LRGUK: variants seen among roughly 807,000 people sequenced by gnomAD.
The protein encoded by LRGUK is leucine-rich repeat and guanylate kinase domain-containing protein.
Under a neutral mutation model 76.0 loss-of-function variants are expected in LRGUK, and 65 were observed. The ratio of observed to expected loss-of-function variants is 0.85; its 90% confidence interval spans 0.70 to 1.05. The LOEUF is 1.05. Ranked by LOEUF, LRGUK falls within the 50% of genes least tolerant of loss-of-function variation. The pLI is 0.00. For missense variants in LRGUK, 758 were observed against 732.8 expected (o/e 1.03, Z -0.40); for synonymous variants, 268 against 265.6 (o/e 1.01, Z -0.09).
chr7:134,136,860 AT>A (rs1797560372), intron 1 of LRGUK, among the ~76,000 whole-genome samples, 162 bp from the exon 2 acceptor site: 1 of 152,244 alleles, frequency 6.6e-6, no homozygotes, highest in Admixed American at 6.5e-5. Flanking sequence ...TATATGTAAT[AT>A]GTATATGTTA....
intron 18 of LRGUK, 135 bp downstream of exon 18, chr7:134,249,211 G>A: frequency 9.8e-7 from 1 of 1,022,790 alleles, no homozygotes; most frequent in Non-Finnish European, 1.4e-6. Flanking sequence ...AGAATTTGAA[G>A]GGAGTAGACC....
At chr7:134,171,677 C>A (rs960797482) in intron 7 of LRGUK, among the ~76,000 whole-genome samples, 12 of 152,116 alleles carry the variant, frequency 7.9e-5, no homozygotes, top group African/African-American at 2.7e-4. Context: ...TGGGGATCAA[C>A]TGTGCTGAGA....
At chr7:134,180,047 T>C (rs894895147) in intron 10 of LRGUK, among the ~76,000 whole-genome samples, 5 of 152,210 alleles carry the variant, frequency 3.3e-5, no homozygotes, top group Admixed American at 3.3e-4. Flanking sequence ...TTGACTCTGG[T>C]CTGGTAGTCA....
intron 16 of LRGUK, 101 bp from the exon 17 acceptor site, chr7:134,247,455 A>G (rs1802332442): frequency 2.7e-6 from 2 of 743,810 alleles, no homozygotes; most frequent in Non-Finnish European, 4.3e-6. Context: ...TTCTTCCCAC[A>G]TATTTGTCAA....
At chr7:134,151,025 C>T (rs1372903476) in intron 5 of LRGUK, among the ~76,000 whole-genome samples, 1 of 152,122 alleles carries the variant, frequency 6.6e-6, no homozygotes, top group Non-Finnish European at 1.5e-5. Context: ...CTTCTTAGAT[C>T]TCTTGCAGTT....
intron 19 of LRGUK, among the ~76,000 whole-genome samples, chr7:134,259,193 A>G (rs781529701): frequency 6.6e-6 from 1 of 152,150 alleles, no homozygotes; most frequent in African/African-American, 2.4e-5. Context: ...ACATGTGAAC[A>G]TGCATGTCCA....
chr7:134,208,767 G>C (rs1000431612), exon 16 of LRGUK: 2 of 398,992 alleles, frequency 5.0e-6, no homozygotes, highest in Non-Finnish European at 4.4e-6. Context: ...CCATCTCCCA[G>C]GTGCTTGGCG....
rs541046685 is a variant in LRGUK, at chr7:134,236,114, A to C, written c.1984-11442A>C. 6.6e-5 allele frequency among the ~76,000 whole-genome samples: 10 copies of C among 152,268 alleles called. No homozygotes were observed. In the East Asian group the frequency reaches 1.2e-3, roughly 18 times the overall value. ...TTTTCTTACCCTTTCTTAAATTATT[A>C]AATTAAAAAACAAGGAAAATAAATG... is the stretch of plus-strand genomic sequence containing the variant. On this transcript the variant is annotated intron_variant, in intron 16 of 19. Transcript: ENST00000285928.
At chr7:134,267,402 C>G (rs1802874249), downstream of LRGUK, among the ~76,000 whole-genome samples, 1 of 152,130 alleles carries the variant, frequency 6.6e-6, no homozygotes, top group African/African-American at 2.4e-5. Context: ...ACAATAGACA[C>G]TGGGACTGCA....
intron 12 of LRGUK, among the ~76,000 whole-genome samples, chr7:134,192,117 A>G (rs527406074): frequency 2.9e-4 from 44 of 152,342 alleles, no homozygotes; most frequent in African/African-American, 9.9e-4. Context: ...TGGCACAGAA[A>G]TCTTGTAAAT....
chr7:134,207,002 G>A (rs1002704590), intron 15 of LRGUK, among the ~76,000 whole-genome samples: 3 of 152,166 alleles, frequency 2.0e-5, no homozygotes, highest in African/African-American at 7.2e-5. Context: ...GATTTGCCAA[G>A]TTATGTCAAT....
chr7:134,267,934 AT>A (rs909251362), downstream of LRGUK, among the ~76,000 whole-genome samples: 2 of 151,780 alleles, frequency 1.3e-5, no homozygotes, highest in East Asian at 1.9e-4. Context: ...TTAAAAAAAA[AT>A]ATGTTGAACT....
intron 19 of LRGUK, among the ~76,000 whole-genome samples, chr7:134,263,329 G>A (rs973103124): frequency 6.6e-6 from 1 of 151,944 alleles, no homozygotes; most frequent in African/African-American, 2.4e-5. Context: ...ACATCCAGAT[G>A]TCTTCCTGCT....
intron 1 of LRGUK, among the ~76,000 whole-genome samples, chr7:134,128,850 T>G (rs774417000): frequency 4.0e-5 from 6 of 151,894 alleles, no homozygotes; most frequent in Non-Finnish European, 8.8e-5. Context: ...GCACCCGGCC[T>G]AATTTGCTTC....
In LRGUK at chr7:134,163,412, G is replaced by T; in HGVS notation, c.811G>T (p.Glu271Ter). 6.2e-7 allele frequency: 1 copy of T among 1,612,450 alleles called. No homozygotes were observed. Among genetic ancestry groups the T allele is most frequent in the East Asian group, 2.2e-5 (1 of 44,860 alleles). The stretch of plus-strand genomic sequence containing the variant: ...TCTGTTTTAGAGCAATAACCAGATT[G>T]AGATGATCACAGGTTTGGAGGATCT... Residue 271 changes from glutamate to a stop codon, truncating the protein, a stop_gained, in exon 7 of 16, where the codon GAG becomes TAG. Coordinates refer to ENST00000645682, the Ensembl canonical transcript of LRGUK. LOFTEE classifies it high-confidence loss of function.
chr7:134,140,120 C>A (rs1797710273), intron 3 of LRGUK, among the ~76,000 whole-genome samples: 1 of 152,050 alleles, frequency 6.6e-6, no homozygotes, highest in Admixed American at 6.6e-5. Context: ...AGGCACGCAC[C>A]ACCACGACTG....
chr7:134,239,917 C>T (rs1378044435), intron 16 of LRGUK, among the ~76,000 whole-genome samples: 2 of 152,202 alleles, frequency 1.3e-5, no homozygotes, highest in Non-Finnish European at 2.9e-5. Flanking sequence ...GCAGCCTCCA[C>T]TGGTGATACC....
intron 4 of LRGUK, among the ~76,000 whole-genome samples, chr7:134,147,775 TA>T (rs1199608618): frequency 6.6e-6 from 1 of 152,002 alleles, no homozygotes; most frequent in Non-Finnish European, 1.5e-5. Flanking sequence ...AGAAAATGAT[TA>T]AATGATCGGG....
intron 17 of LRGUK, among the ~76,000 whole-genome samples, chr7:134,248,497 T>C (rs1775869549): frequency 6.6e-6 from 1 of 152,186 alleles, no homozygotes; most frequent in South Asian, 2.1e-4. Flanking sequence ...TATGAATAGA[T>C]GAAAAAGGAT....
Sources: allele counts gnomAD v4.1 joint callset (sites outside exome capture counted in the v4.1 genomes callset), GRCh38; gene constraint gnomAD v4.1.1; transcripts MANE v1.5; gene names NCBI Gene and HGNC (gene_info 2026-07-23, HGNC 2026-07-21).